Variants in MTFR1 observed in about 807,000 individuals in gnomAD.
MTFR1 encodes the protein mitochondrial fission regulator 1, also known as chondrocyte protein with a poly-proline region.
Under a neutral mutation model 38.8 loss-of-function variants are expected in MTFR1, and 28 were observed. The observed-to-expected ratio is 0.72, with a 90% CI of 0.53 to 0.99. MTFR1 has a LOEUF of 0.99. Among genes scored for constraint, MTFR1 ranks in the 50% least tolerant of loss-of-function variants. MTFR1 has a pLI of 0.00. For synonymous variants in MTFR1, 145 were observed against 137.0 expected, an observed-to-expected ratio of 1.06 and a Z score of -0.41; for missense variants, 358 against 395.5, an observed-to-expected ratio of 0.91 and a Z score of 0.81.
At chr8:65,776,954 T>C in the MTFR1 span, among the ~76,000 whole-genome samples, 1 of 152,228 alleles carries the variant, frequency 6.6e-6, no homozygotes, top group African/African-American at 2.4e-5. Context: ...GTTTTAATAT[T>C]GCGCATTAAA....
At chr8:65,708,155 G>T (rs931299414) in intron 7 of MTFR1, 144 bp downstream of exon 7, 2 of 1,526,542 alleles carry the variant, frequency 1.3e-6, no homozygotes, top group Non-Finnish European at 1.8e-6. Context: ...CTTACAAGTA[G>T]ATCACGGCTG....
At chr8:65,770,956 G>A (rs1298282988) in exon 4 of MTFR1, 2 of 260,078 alleles carry the variant, frequency 7.7e-6, no homozygotes, top group African/African-American at 2.3e-5. Flanking sequence ...GAAAAGACTC[G>A]TTAAAGTCAG....
downstream of MTFR1, among the ~76,000 whole-genome samples, chr8:65,715,040 ACTCC>A (rs1806076927): frequency 6.6e-6 from 1 of 152,014 alleles, no homozygotes; most frequent in Non-Finnish European, 1.5e-5. Context: ...TAGAGCAGAG[ACTCC>A]CTCAGCCCCT....
chr8:65,721,613 T>C (rs1003967865), intron 3 of MTFR1, among the ~76,000 whole-genome samples: 3 of 152,246 alleles, frequency 2.0e-5, no homozygotes, highest in East Asian at 1.9e-4. Context: ...ATCAATAGCT[T>C]GAGATGAACA....
intron 3 of MTFR1, among the ~76,000 whole-genome samples, chr8:65,750,643 C>A (rs1376573851): frequency 1.3e-5 from 2 of 151,956 alleles, no homozygotes; most frequent in African/African-American, 2.4e-5. Context: ...GCTCTGTCAC[C>A]ATGGTAGGAT....
chr8:65,688,051 T>TA (rs1011551357), intron 3 of MTFR1, among the ~76,000 whole-genome samples: 4 of 141,556 alleles, frequency 2.8e-5, no homozygotes, highest in African/African-American at 1.1e-4. Flanking sequence ...AGTGAGCTGA[T>TA]ACTGTGCCGT....
At chr8:65,649,475 C>T (rs971688846) in intron 1 of MTFR1, among the ~76,000 whole-genome samples, 6 of 152,014 alleles carry the variant, frequency 3.9e-5, no homozygotes, top group East Asian at 1.9e-4. Flanking sequence ...TGAGCCACCG[C>T]GCCTGGCCCA....
chr8:65,707,966 A>T lies in MTFR1; in HGVS notation c.888A>T (p.Lys296Asn), dbSNP rs1235087852. The change falls in exon 7 of 8, where the codon AAA becomes AAT. Residue 296 changes from lysine (K) to asparagine (N), a missense_variant. Coordinates refer to ENST00000262146, the MANE Select transcript of MTFR1 (RefSeq NM_014637.4). ...YRSDSQDEVE[K>N]GIPKSESEAT... ...GTGATAGCCAAGATGAAGTTGAAAA[A>T]GGAATTCCAAAGTCTGAATCAGAGG... is the stretch of plus-strand genomic sequence containing the variant. The T allele has an allele frequency of 6.2e-7, 1 of 1,613,624 alleles. No individual in the cohort carries two copies. The highest frequency in any genetic ancestry group is 2.2e-5 in the East Asian group (1 of 44,888).
At chr8:65,733,703 T>C (rs973906326) in intron 3 of MTFR1, among the ~76,000 whole-genome samples, 3 of 152,228 alleles carry the variant, frequency 2.0e-5, no homozygotes, top group African/African-American at 7.2e-5. Flanking sequence ...TATTACTGCA[T>C]GTAAGTTCTA....
At chr8:65,664,877 C>T (rs561938780) in intron 1 of MTFR1, among the ~76,000 whole-genome samples, 6 of 151,488 alleles carry the variant, frequency 4.0e-5, no homozygotes, top group South Asian at 2.1e-4. Flanking sequence ...CGTGAGCCAC[C>T]GTGCCCCAGC....
At chr8:65,693,024 C>G (rs1366204024) in intron 3 of MTFR1, among the ~76,000 whole-genome samples, 1 of 151,586 alleles carries the variant, frequency 6.6e-6, no homozygotes, top group Non-Finnish European at 1.5e-5. Flanking sequence ...CCTACACATA[C>G]CTTTTAAAAT....
chr8:65,666,721 C>A (rs1044343993), intron 1 of MTFR1, among the ~76,000 whole-genome samples: 1 of 152,180 alleles, frequency 6.6e-6, no homozygotes, highest in African/African-American at 2.4e-5. Context: ...AACAAATGTT[C>A]TGTGAAGTTA....
intron 2 of MTFR1, among the ~76,000 whole-genome samples, chr8:65,716,642 G>C (rs1806154601): frequency 2.0e-5 from 3 of 152,146 alleles, no homozygotes; most frequent in African/African-American, 7.2e-5. Flanking sequence ...TTTGCCTAAA[G>C]GGAGAGAATA....
At chr8:65,667,949 C>A (rs527852208) in intron 1 of MTFR1, among the ~76,000 whole-genome samples, 1 of 152,090 alleles carries the variant, frequency 6.6e-6, no homozygotes, top group African/African-American at 2.4e-5. Flanking sequence ...CTTTCATTAG[C>A]GCCCAGCTCT....
chr8:65,723,406 G>C (rs1806473499), intron 3 of MTFR1: 8 of 852,810 alleles, frequency 9.4e-6, no homozygotes, highest in Admixed American at 4.3e-5. Flanking sequence ...GGGAAAACAA[G>C]GGTAAAATTT....
intron 1 of MTFR1, among the ~76,000 whole-genome samples, chr8:65,669,442 A>G (rs1804498744): frequency 6.6e-6 from 1 of 152,220 alleles, no homozygotes; most frequent in Non-Finnish European, 1.5e-5. Flanking sequence ...GCTTCCAGCT[A>G]AGAATACTGA....
intron 3 of MTFR1, among the ~76,000 whole-genome samples, chr8:65,726,531 T>C (rs941009056): frequency 9.2e-5 from 14 of 152,160 alleles, no homozygotes; most frequent in Admixed American, 9.2e-4. Flanking sequence ...TTTACCTTTA[T>C]ACCTAGACCT....
intron 4 of MTFR1, among the ~76,000 whole-genome samples, chr8:65,694,709 T>G (rs1466573402): frequency 6.6e-6 from 1 of 152,210 alleles, no homozygotes; most frequent in East Asian, 1.9e-4. Flanking sequence ...CAGTTGATAC[T>G]GTAAAGTCTA....
At chr8:65,769,408 T>A (rs1808965121) in intron 3 of MTFR1, among the ~76,000 whole-genome samples, 1 of 152,190 alleles carries the variant, frequency 6.6e-6, no homozygotes, top group Non-Finnish European at 1.5e-5. Flanking sequence ...GCTGCCAAAC[T>A]AACCCTGAGA....
Sources: allele counts gnomAD v4.1 joint callset (sites outside exome capture counted in the v4.1 genomes callset), GRCh38; gene constraint gnomAD v4.1.1; transcripts MANE v1.5; gene names NCBI Gene and HGNC (gene_info 2026-07-23, HGNC 2026-07-21).